Variants in CEP63 observed in about 807,000 individuals in gnomAD.
The protein encoded by CEP63 is centrosomal protein 63, also known as centrosomal protein of 63 kDa.
CEP63 carries 84 observed loss-of-function variants against 89.1 expected under a neutral mutation model. The observed-to-expected ratio is 0.94, with a 90% CI of 0.79 to 1.13. The LOEUF (loss-of-function observed/expected upper bound fraction) is 1.13, where lower values mean the gene tolerates loss of function less well. CEP63 is among the 50% of genes most tolerant of loss of function. The pLI is 0.00. For synonymous variants in CEP63, 267 were observed against 272.5 expected (o/e 0.98, Z 0.20); for missense variants, 838 against 813.3 (o/e 1.03, Z -0.37).
the CEP63 span, among the ~76,000 whole-genome samples, chr3:134,717,537 C>G: frequency 6.6e-6 from 1 of 152,164 alleles, no homozygotes; most frequent in Non-Finnish European, 1.5e-5. Flanking sequence ...GAGCCTCATT[C>G]TAATGTCTCC....
chr3:134,679,818 G>A, the CEP63 span, among the ~76,000 whole-genome samples: 1 of 152,160 alleles, frequency 6.6e-6, no homozygotes, highest in Admixed American at 6.5e-5. Flanking sequence ...TGCCTCCCAG[G>A]CTCAAGCTAT....
Position 134,563,064 on chromosome 3 carries a change from T to C in CEP63, c.*1529T>C, listed in dbSNP as rs1180807930. On this transcript the variant is annotated 3_prime_UTR_variant, in exon 15 of 15. Transcript: ENST00000675561. ...TCTTCACTTGGATATCTGACAAACA[T>C]CTTGTTTCCAAGAGAGAACTCTTTA... is the stretch of plus-strand genomic sequence containing the variant. 3 of 152,200 alleles carry C rather than the reference T, an allele frequency of 2.0e-5. No homozygotes were observed. Among genetic ancestry groups the C allele is most frequent in the Admixed American group, 2.0e-4 (3 of 15,278 alleles). The allele number at this position is 152,200 out of a possible 1,614,324, so 9.4% of individuals were successfully genotyped here. A position where few individuals can be genotyped will look rare whatever the true frequency, so the allele number is the denominator to read the frequency against.
At chr3:134,619,085 G>C in the CEP63 span, 2 of 1,338,606 alleles carry the variant, frequency 1.5e-6, no homozygotes, top group South Asian at 2.3e-5. Flanking sequence ...AAGGCACATG[G>C]CACTGTGGAA....
the CEP63 span, among the ~76,000 whole-genome samples, chr3:134,729,614 A>G: frequency 1.4e-4 from 22 of 152,328 alleles, 1 homozygote; most frequent in Admixed American, 6.5e-4. Context: ...TCCCCCCATT[A>G]GTTTGAATGG....
intron 1 of CEP63, among the ~76,000 whole-genome samples, chr3:134,492,637 ATTTC>A (rs1439593106): frequency 1.4e-5 from 2 of 147,786 alleles, no homozygotes; most frequent in Non-Finnish European, 3.0e-5. Flanking sequence ...AAATAGCAAT[ATTTC>A]TTATGTGACT....
the CEP63 span, among the ~76,000 whole-genome samples, chr3:134,626,166 G>C: frequency 6.6e-6 from 1 of 152,238 alleles, no homozygotes; most frequent in Non-Finnish European, 1.5e-5. Flanking sequence ...AAGAAGTTGG[G>C]ACCAAAGAGG....
intron 10 of CEP63, among the ~76,000 whole-genome samples, chr3:134,583,814 A>G (rs1037855635): frequency 6.6e-6 from 1 of 152,168 alleles, no homozygotes; most frequent in Non-Finnish European, 1.5e-5. Context: ...ATCCATGAGT[A>G]TGGAATGTTC....
intron 2 of CEP63, among the ~76,000 whole-genome samples, chr3:134,498,780 G>A (rs1371096007): frequency 6.6e-6 from 1 of 152,070 alleles, no homozygotes; most frequent in East Asian, 1.9e-4. Flanking sequence ...TTTATCAAGT[G>A]CTTTTTCTGT....
chr3:134,749,088 C>A, the CEP63 span, among the ~76,000 whole-genome samples: 1 of 152,134 alleles, frequency 6.6e-6, no homozygotes, highest in Non-Finnish European at 1.5e-5. Context: ...AGAGGTCCTG[C>A]AGGTTGAGCT....
At chr3:134,657,420 A>G in the CEP63 span, among the ~76,000 whole-genome samples, 1 of 152,226 alleles carries the variant, frequency 6.6e-6, no homozygotes, top group South Asian at 2.1e-4. Context: ...TTATTTAAAA[A>G]GTATAATTGG....
the CEP63 span, chr3:134,610,456 G>T: frequency 7.4e-7 from 1 of 1,352,028 alleles, no homozygotes; most frequent in African/African-American, 1.5e-5. Context: ...ATGGTCTCAG[G>T]TTTCAGGCAT....
At chr3:134,486,307 AG>A (rs1223827291) in intron 1 of CEP63, 105 bp downstream of exon 1, 1 of 985,432 alleles carries the variant, frequency 1.0e-6, no homozygotes, top group Non-Finnish European at 1.2e-6. Context: ...GAGGCGGCCC[AG>A]GCTGCCTTGG....
chr3:134,547,512 T>C (rs1228837010), intron 9 of CEP63, 40 bp downstream of exon 9: 1 of 1,572,224 alleles, frequency 6.4e-7, no homozygotes, highest in Admixed American at 1.7e-5. Context: ...TTCAAGTTGT[T>C]AAAATGAATT....
chr3:134,602,135 G>A, the CEP63 span, among the ~76,000 whole-genome samples: 1 of 152,178 alleles, frequency 6.6e-6, no homozygotes, highest in African/African-American at 2.4e-5. Flanking sequence ...TCAGGGGTTG[G>A]GGGGCACTGA....
intron 2 of CEP63, among the ~76,000 whole-genome samples, chr3:134,506,787 G>A (rs549971192): frequency 7.4e-4 from 113 of 151,684 alleles, no homozygotes; most frequent in Middle Eastern, 3.4e-3. Flanking sequence ...GCATGGTGGC[G>A]CATGCCTGTA....
intron 2 of CEP63, among the ~76,000 whole-genome samples, chr3:134,498,911 T>C (rs1941062707): frequency 6.6e-6 from 1 of 152,220 alleles, no homozygotes; most frequent in Non-Finnish European, 1.5e-5. Flanking sequence ...TGTATTATCT[T>C]TCTGTTCTGT....
chr3:134,746,907 C>T, the CEP63 span, among the ~76,000 whole-genome samples: 1 of 152,158 alleles, frequency 6.6e-6, no homozygotes, highest in East Asian at 1.9e-4. Flanking sequence ...GTTTCTTTTG[C>T]TGTGCAGAAG....
intron 5 of CEP63, 185 bp from the exon 6 acceptor site, chr3:134,536,970 A>G: frequency 1.6e-6 from 1 of 612,114 alleles, no homozygotes; most frequent in Non-Finnish European, 3.0e-6. Context: ...CCAGAGGCAC[A>G]GTATGTGAGG....
chr3:134,589,897 C>T (rs762689349), downstream of CEP63, among the ~76,000 whole-genome samples: 4 of 152,174 alleles, frequency 2.6e-5, no homozygotes, highest in Non-Finnish European at 5.9e-5. Context: ...TACATATACA[C>T]CATGGAATAC....
Sources: allele counts gnomAD v4.1 joint callset (sites outside exome capture counted in the v4.1 genomes callset), GRCh38; gene constraint gnomAD v4.1.1; transcripts MANE v1.5; gene names NCBI Gene and HGNC (gene_info 2026-07-23, HGNC 2026-07-21).